ELK3: variants seen among roughly 807,000 people sequenced by gnomAD.
ELK3 encodes ETS transcription factor ELK3.
ELK3 carries 10 observed loss-of-function variants against 28.9 expected under a neutral mutation model. The ratio of observed to expected loss-of-function variants is 0.35; its 90% confidence interval spans 0.21 to 0.59. The LOEUF (loss-of-function observed/expected upper bound fraction) is 0.59. Ranked by LOEUF, ELK3 falls within the 20% of genes least tolerant of loss-of-function variation. The pLI, the probability that ELK3 is intolerant of heterozygous loss-of-function variation, is 0.82. For missense variants in ELK3, 463 were observed against 517.3 expected, an observed-to-expected ratio of 0.90 and a Z score of 1.02; for synonymous variants, 272 against 243.5, an observed-to-expected ratio of 1.12 and a Z score of -1.09.
intron 1 of ELK3, among the ~76,000 whole-genome samples, chr12:96,221,337 A>G (rs1951660052): frequency 6.6e-6 from 1 of 152,218 alleles, no homozygotes. Context: ...ATACATGGAT[A>G]GATGTTTCTG....
At chr12:96,231,840 G>C (rs887582424) in intron 2 of ELK3, among the ~76,000 whole-genome samples, 7 of 152,096 alleles carry the variant, frequency 4.6e-5, no homozygotes, top group African/African-American at 1.7e-4. Context: ...TTTCACCTCT[G>C]CCTTTTCCTC....
intron 3 of ELK3, among the ~76,000 whole-genome samples, chr12:96,257,999 A>G (rs1293231898): frequency 2.0e-5 from 3 of 152,260 alleles, no homozygotes; most frequent in South Asian, 2.1e-4. Context: ...TGCCAGGCAC[A>G]TATCTTATAA....
chr12:96,244,970 C>T (rs956508847), intron 2 of ELK3, among the ~76,000 whole-genome samples: 3 of 152,072 alleles, frequency 2.0e-5, no homozygotes, highest in Non-Finnish European at 2.9e-5. Context: ...AGGTCGCTGG[C>T]GTAAATGAGA....
chr12:96,198,369 A>G (rs1010125522), intron 1 of ELK3, among the ~76,000 whole-genome samples: 5 of 152,120 alleles, frequency 3.3e-5, no homozygotes, highest in Non-Finnish European at 7.4e-5. Flanking sequence ...CTGTCTCATT[A>G]AAGTTTAAAA....
intron 2 of ELK3, among the ~76,000 whole-genome samples, chr12:96,226,633 C>T (rs1007237414): frequency 6.6e-6 from 1 of 152,138 alleles, no homozygotes; most frequent in African/African-American, 2.4e-5. Context: ...GGCACACACA[C>T]CCACTTGCAC....
intron 1 of ELK3, among the ~76,000 whole-genome samples, chr12:96,206,187 G>C (rs1482424172): frequency 6.6e-6 from 1 of 152,084 alleles, no homozygotes; most frequent in Non-Finnish European, 1.5e-5. Flanking sequence ...AAGCCTAGTA[G>C]TTTGTCTTTC....
At chr12:96,201,264 T>C (rs532788357) in intron 1 of ELK3, among the ~76,000 whole-genome samples, 2 of 152,312 alleles carry the variant, frequency 1.3e-5, no homozygotes, top group African/African-American at 2.4e-5. Context: ...TGAAGACTAA[T>C]TGGGATGAGA....
chr12:96,259,790 C>T lies in ELK3; in HGVS notation c.1062C>T (p.Ser354=). 1 of 1,611,284 alleles carries T rather than the reference C, an allele frequency of 6.2e-7. No individual in the cohort carries two copies. The highest frequency in any genetic ancestry group is 8.5e-7 in the Non-Finnish European group (1 of 1,179,244). ...TGCTCTCCAGCATACATTTCTGGAG[C>T]AGCCTTAGTCCAGTTGCTCCGCTGA... The part of the protein sequence containing the change: ...SPLLSSIHFW[S]SLSPVAPLSP... Residue 354 remains serine, a synonymous_variant, in exon 4 of 5, where the codon AGC becomes AGT. Coordinates refer to ENST00000228741, the MANE Select transcript of ELK3 (RefSeq NM_005230.4).
chr12:96,261,181 G>C (rs181504133), intron 4 of ELK3, among the ~76,000 whole-genome samples: 20 of 152,282 alleles, frequency 1.3e-4, no homozygotes, highest in Admixed American at 7.2e-4. Flanking sequence ...TCTTTGTAAG[G>C]GTGGAGCTAA....
chr12:96,218,944 G>T (rs1257263976), intron 1 of ELK3, among the ~76,000 whole-genome samples: 3 of 152,026 alleles, frequency 2.0e-5, no homozygotes, highest in African/African-American at 7.2e-5. Flanking sequence ...CACCGCGCCC[G>T]GCCAAGATAA....
At chr12:96,239,936 G>A (rs1468754332) in intron 2 of ELK3, among the ~76,000 whole-genome samples, 1 of 152,284 alleles carries the variant, frequency 6.6e-6, no homozygotes, top group Non-Finnish European at 1.5e-5. Context: ...GCTGCGGCCA[G>A]CATCTAAGCG....
intron 1 of ELK3, among the ~76,000 whole-genome samples, chr12:96,201,863 A>G (rs1256669680): frequency 3.3e-5 from 5 of 152,202 alleles, no homozygotes; most frequent in African/African-American, 9.7e-5. Context: ...GGAACACTCC[A>G]GTGGAAGGCC....
At position 96,250,161 on chromosome 12, in the gene ELK3, G is replaced by T. The variant is rs140896916; in HGVS notation, c.1002+2427G>T. 4.1e-3 allele frequency among the ~76,000 whole-genome samples: 631 copies of T among 152,264 alleles called. 8 individuals are homozygous for T. The highest frequency in any genetic ancestry group is 0.014 in the African/African-American group (592 of 41,566). On this transcript the variant is annotated intron_variant, in intron 3 of 4. Transcript: ENST00000228741. The stretch of plus-strand genomic sequence containing the variant: ...GTCCTCTAAACCACGCAAAACTAAG[G>T]GGGTCACCAGCTACACTGGGAGATG...
chr12:96,197,017 G>T (rs941781105), intron 1 of ELK3, among the ~76,000 whole-genome samples: 7 of 152,080 alleles, frequency 4.6e-5, no homozygotes, highest in Non-Finnish European at 1.0e-4. Flanking sequence ...TTGTAGCATT[G>T]AAAGCTGTGA....
intron 1 of ELK3, among the ~76,000 whole-genome samples, chr12:96,209,628 C>G (rs534351265): frequency 2.8e-4 from 43 of 152,254 alleles, no homozygotes; most frequent in African/African-American, 1.0e-3. Flanking sequence ...GTAACACCAT[C>G]TTAAAGTAAG....
chr12:96,227,737 A>G (rs1022654059), intron 2 of ELK3, among the ~76,000 whole-genome samples: 4 of 152,212 alleles, frequency 2.6e-5, no homozygotes, highest in Non-Finnish European at 5.9e-5. Flanking sequence ...CGAGGTAGTT[A>G]CAGAGTGAGC....
chr12:96,217,799 G>A (rs1255655416), intron 1 of ELK3, among the ~76,000 whole-genome samples: 7 of 151,816 alleles, frequency 4.6e-5, no homozygotes, highest in African/African-American at 7.3e-5. Flanking sequence ...TTAGCTGGGC[G>A]TGGTGGTGCG....
At chr12:96,223,473 G>C in intron 1 of ELK3, 92 bp from the exon 2 acceptor site, 1 of 1,218,658 alleles carries the variant, frequency 8.2e-7, no homozygotes, top group Non-Finnish European at 1.2e-6. Flanking sequence ...GGAGGGGACA[G>C]CTGAGTTGCC....
chr12:96,259,320 G>A (rs1592692094), intron 3 of ELK3, among the ~76,000 whole-genome samples: 1 of 152,214 alleles, frequency 6.6e-6, no homozygotes, highest in African/African-American at 2.4e-5. Context: ...GGGAGGCTGA[G>A]GTGGGCAGAT....
Sources: gnomAD v4.1 joint callset for allele counts (sites outside exome capture counted in the v4.1 genomes callset) on GRCh38, gnomAD v4.1.1 for gene constraint, MANE v1.5 for transcripts, NCBI Gene and HGNC (gene_info 2026-07-23, HGNC 2026-07-21) for gene names.